Variants in STPG2 observed in about 807,000 individuals in gnomAD.
STPG2 encodes sperm-tail PG-rich repeat-containing protein 2.
STPG2 carries 56 observed loss-of-function variants against 54.2 expected under a neutral mutation model. That is an observed-to-expected ratio of 1.03 (90% CI 0.83 to 1.29). STPG2 has a LOEUF of 1.29. Among genes scored for constraint, STPG2 ranks in the 50% most tolerant of loss-of-function variants. The pLI is 0.00. For synonymous variants in STPG2, 200 were observed against 181.8 expected, an observed-to-expected ratio of 1.10 and a Z score of -0.81; for missense variants, 596 against 544.9, an observed-to-expected ratio of 1.09 and a Z score of -0.93.
intron 10 of STPG2, among the ~76,000 whole-genome samples, chr4:97,654,756 G>GA (rs745740797): frequency 2.6e-5 from 4 of 151,136 alleles, no homozygotes; most frequent in African/African-American, 9.7e-5. Flanking sequence ...GACAACAACA[G>GA]AAAAAATGGT....
chr4:97,988,979 A>G (rs189941528), intron 5 of STPG2, among the ~76,000 whole-genome samples: 10 of 152,330 alleles, frequency 6.6e-5, no homozygotes, highest in Admixed American at 3.9e-4. Flanking sequence ...AATAATTTGA[A>G]AAAAAATTAG....
intron 4 of STPG2, among the ~76,000 whole-genome samples, chr4:97,541,299 A>G (rs2148861761): frequency 6.6e-6 from 1 of 152,262 alleles, no homozygotes; most frequent in African/African-American, 2.4e-5. Context: ...AATGTGCAAA[A>G]ATCACAAGCA....
chr4:97,516,509 A>G (rs1437419149), intron 4 of STPG2, among the ~76,000 whole-genome samples: 2 of 151,998 alleles, frequency 1.3e-5, no homozygotes, highest in African/African-American at 4.8e-5. Flanking sequence ...TTCTTGCGAC[A>G]CTTATAAGAA....
chr4:97,676,973 A>G (rs1188321703), intron 10 of STPG2, among the ~76,000 whole-genome samples: 2 of 152,172 alleles, frequency 1.3e-5, no homozygotes, highest in Non-Finnish European at 2.9e-5. Flanking sequence ...AGTTACTCAT[A>G]TGAACAACTT....
chr4:97,543,682 C>T (rs1420192090), intron 4 of STPG2, among the ~76,000 whole-genome samples: 1 of 152,010 alleles, frequency 6.6e-6, no homozygotes, highest in Non-Finnish European at 1.5e-5. Context: ...TTTACTAAAA[C>T]CATCATTCTT....
intron 3 of STPG2, among the ~76,000 whole-genome samples, chr4:98,116,692 G>A (rs1362355651): frequency 6.6e-6 from 1 of 151,806 alleles, no homozygotes; most frequent in Non-Finnish European, 1.5e-5. Flanking sequence ...ATAGGATGAT[G>A]GGACAGTCAA....
intron 5 of STPG2, among the ~76,000 whole-genome samples, chr4:98,073,056 G>C (rs1169084141): frequency 1.3e-5 from 2 of 152,096 alleles, no homozygotes; most frequent in Non-Finnish European, 2.9e-5. Context: ...GGTTATCACA[G>C]GTATTATTAT....
intron 10 of STPG2, among the ~76,000 whole-genome samples, chr4:97,574,360 TAA>T (rs1225804726): frequency 6.6e-6 from 1 of 151,920 alleles, no homozygotes; most frequent in African/African-American, 2.4e-5. Context: ...CAAATTTATA[TAA>T]GTTTTATGTG....
intron 9 of STPG2, among the ~76,000 whole-genome samples, chr4:97,781,205 G>C (rs946043806): frequency 1.3e-5 from 2 of 152,056 alleles, no homozygotes; most frequent in Non-Finnish European, 2.9e-5. Context: ...ATGAAGAAAA[G>C]AGAGAAGAAT....
intron 10 of STPG2, among the ~76,000 whole-genome samples, chr4:97,592,208 C>T (rs930776845): frequency 6.6e-6 from 1 of 151,970 alleles, no homozygotes; most frequent in African/African-American, 2.4e-5. Context: ...AGAACCCAAA[C>T]TAATACTCAT....
Position 97,539,722 on chromosome 4 carries a change from C to A in STPG2, c.462+172977G>T, listed in dbSNP as rs1208089750. Among the ~76,000 whole-genome samples, 6 of 152,282 alleles carry A rather than the reference C, an allele frequency of 3.9e-5. No homozygotes were observed. In the East Asian group the frequency reaches 9.6e-4, roughly 24 times the overall value. On this transcript the variant is annotated intron_variant, in intron 4 of 4. Transcript: ENST00000522676. Reference sequence around the variant, plus strand: ...GTGGACCTAACAGACATCTACAGAACTCTCCACCACAAATCAACAGAATAT... The same window carrying A: ...GTGGACCTAACAGACATCTACAGAAATCTCCACCACAAATCAACAGAATAT...
chr4:97,834,117 A>C (rs367860311), intron 9 of STPG2, among the ~76,000 whole-genome samples: 7 of 152,206 alleles, frequency 4.6e-5, no homozygotes, highest in African/African-American at 1.7e-4. Flanking sequence ...CCAAATGCCC[A>C]TCAATGACAG....
chr4:98,091,161 A>C (rs1032844619), intron 5 of STPG2, among the ~76,000 whole-genome samples: 1 of 152,016 alleles, frequency 6.6e-6, no homozygotes, highest in African/African-American at 2.4e-5. Flanking sequence ...AAGTATTTGT[A>C]CTTTCCCCTC....
intron 4 of STPG2, among the ~76,000 whole-genome samples, chr4:97,511,569 C>T (rs1000820817): frequency 1.3e-5 from 2 of 151,656 alleles, no homozygotes; most frequent in African/African-American, 4.8e-5. Context: ...TAAACAACAA[C>T]AAAAAAACAG....
intron 9 of STPG2, among the ~76,000 whole-genome samples, chr4:97,732,243 G>A (rs1002102374): frequency 5.9e-5 from 9 of 152,122 alleles, no homozygotes; most frequent in African/African-American, 2.2e-4. Flanking sequence ...TCTCCTCTCT[G>A]GGAAGCTCCC....
intron 4 of STPG2, among the ~76,000 whole-genome samples, chr4:97,460,847 C>G (rs1341781206): frequency 6.6e-6 from 1 of 152,148 alleles, no homozygotes; most frequent in Admixed American, 6.5e-5. Context: ...TAATATTGAA[C>G]TTTAGATAAA....
At chr4:97,661,010 G>T (rs1722360093) in intron 10 of STPG2, among the ~76,000 whole-genome samples, 1 of 151,826 alleles carries the variant, frequency 6.6e-6, no homozygotes, top group Non-Finnish European at 1.5e-5. Context: ...ACATGCTTTG[G>T]GATAGAAAGA....
chr4:97,926,035 T>C (rs1450545757), intron 8 of STPG2, among the ~76,000 whole-genome samples: 1 of 152,186 alleles, frequency 6.6e-6, no homozygotes, highest in African/African-American at 2.4e-5. Flanking sequence ...TACAATTTTA[T>C]CTCAAAACTA....
chr4:97,695,761 A>G (rs1267284862), intron 10 of STPG2, among the ~76,000 whole-genome samples: 2 of 152,042 alleles, frequency 1.3e-5, no homozygotes, highest in Non-Finnish European at 2.9e-5. Context: ...TGGAAAAAAA[A>G]AAAAAGAAAC....
Sources: allele counts gnomAD v4.1 joint callset (sites outside exome capture counted in the v4.1 genomes callset), GRCh38; gene constraint gnomAD v4.1.1; transcripts MANE v1.5; gene names NCBI Gene and HGNC (gene_info 2026-07-23, HGNC 2026-07-21).